The following PCDH11X variants were observed in gnomAD, a reference collection of about 807,000 sequenced individuals.
PCDH11X encodes the protein protocadherin 11 X-linked, also known as protocadherin-11 X-linked.
PCDH11X carries 18 observed loss-of-function variants against 53.3 expected under a neutral mutation model. The ratio of observed to expected loss-of-function variants is 0.34; its 90% CI spans 0.23 to 0.50. The LOEUF (loss-of-function observed/expected upper bound fraction) is 0.50, where lower values mean the gene tolerates loss of function less well. Ranked by LOEUF, PCDH11X falls within the 20% of genes least tolerant of loss-of-function variation. The pLI is 0.98. For synonymous variants in PCDH11X, 279 were observed against 393.3 expected (o/e 0.71, Z 3.44); for missense variants, 570 against 1,032.4 (o/e 0.55, Z 6.14).
At chrX:92,358,455 T>C (rs1436000498) in intron 8 of PCDH11X, among the ~76,000 whole-genome samples, 2 of 63,367 alleles carry the variant, frequency 3.2e-5, no homozygotes, top group African/African-American at 1.1e-4. Context: ...GTCAGATCCT[T>C]TTAGGTCATA....
intron 6 of PCDH11X, among the ~76,000 whole-genome samples, chrX:92,064,535 T>G (rs1323082882): frequency 5.5e-5 from 6 of 109,654 alleles, no homozygotes; most frequent in Non-Finnish European, 3.8e-5. Context: ...AATAGTTTTG[T>G]CATGTTACTA....
At chrX:92,608,174 A>C (rs1400545610) in intron 10 of PCDH11X, among the ~76,000 whole-genome samples, 3 of 100,803 alleles carry the variant, frequency 3.0e-5, no homozygotes, top group African/African-American at 1.2e-4. Flanking sequence ...CTCAGCAAGC[A>C]CACATGTTCA....
chrX:92,007,530 A>G (rs1031289386), intron 6 of PCDH11X, among the ~76,000 whole-genome samples: 7 of 111,727 alleles, frequency 6.3e-5, no homozygotes, highest in African/African-American at 2.3e-4. Flanking sequence ...GACTCAGGTC[A>G]GGTCCAGAAA....
At chrX:92,189,273 T>C (rs982753656) in intron 6 of PCDH11X, among the ~76,000 whole-genome samples, 5 of 111,377 alleles carry the variant, frequency 4.5e-5, no homozygotes, top group Non-Finnish European at 1.9e-5. Flanking sequence ...TATGTTTTCA[T>C]TGTTCATCTT....
intron 10 of PCDH11X, among the ~76,000 whole-genome samples, chrX:92,480,117 C>A (rs2073471390): frequency 9.0e-6 from 1 of 111,279 alleles, no homozygotes; most frequent in Non-Finnish European, 1.9e-5. Flanking sequence ...CTCTGAGATT[C>A]ATTCCACAGC....
intron 9 of PCDH11X, among the ~76,000 whole-genome samples, chrX:92,453,852 C>T (rs2072854597): frequency 9.1e-6 from 1 of 110,458 alleles, no homozygotes; most frequent in African/African-American, 3.3e-5. Flanking sequence ...ATAATATTTT[C>T]AATGAAAACT....
chrX:92,557,112 A>C (rs2075057556), intron 10 of PCDH11X, among the ~76,000 whole-genome samples: 1 of 108,270 alleles, frequency 9.2e-6, no homozygotes, highest in Non-Finnish European at 1.9e-5. Flanking sequence ...CAGCCCATGA[A>C]ACCATTTTTC....
At chrX:91,811,321 A>G (rs770332569) in intron 4 of PCDH11X, 26 bp downstream of exon 4, 15 of 1,129,573 alleles carry the variant, frequency 1.3e-5, no homozygotes, top group Admixed American at 2.3e-5. Flanking sequence ...ATTAAATATC[A>G]TATACGTCTC....
In PCDH11X at chrX:92,066,784, A is replaced by G. The variant is rs1445225910; in HGVS notation, c.3034-134591A>G. On this transcript the variant is annotated intron_variant, in intron 6 of 10. Coordinates refer to ENST00000682573, the MANE Select transcript of PCDH11X (RefSeq NM_032968.5). The stretch of plus-strand genomic sequence containing the variant: ...AGTAAGATCGTTATCAACTGCAAAG[A>G]AAAATAATTTCACTTCTTCCTTTAA... 3.6e-5 allele frequency among the ~76,000 whole-genome samples: 4 copies of G among 112,442 alleles called. No homozygotes were observed. The East Asian group carries it at 8.4e-4, about 23-fold the overall frequency.
intron 6 of PCDH11X, among the ~76,000 whole-genome samples, chrX:91,946,297 A>G (rs1242733676): frequency 1.9e-5 from 2 of 107,121 alleles, no homozygotes; most frequent in Non-Finnish European, 3.9e-5. Flanking sequence ...TCACACTCCT[A>G]TTATCAGGGA....
chrX:92,011,929 C>T, intron 6 of PCDH11X, among the ~76,000 whole-genome samples: 1 of 110,246 alleles, frequency 9.1e-6, no homozygotes, highest in Non-Finnish European at 1.9e-5. Context: ...AGAATCTAGG[C>T]CTTCTTTCCC....
chrX:92,214,284 G>A lies in PCDH11X; in HGVS notation c.3114+12829G>A, dbSNP rs1371108731. ...CGCAAGAAGGAATTTGATTAATTTC[G>A]ACTAACTTTAGGACGCCAAAAGTCC... On this transcript the variant is annotated intron_variant, in intron 7 of 10. Coordinates refer to ENST00000682573, the MANE Select transcript of PCDH11X (RefSeq NM_032968.5). 6.3e-5 allele frequency among the ~76,000 whole-genome samples: 7 copies of A among 111,567 alleles called. No individual in the cohort carries two copies. In the South Asian group the frequency reaches 2.6e-3, roughly 42 times the overall value.
chrX:92,552,559 C>A (rs2074977335), intron 10 of PCDH11X, among the ~76,000 whole-genome samples: 1 of 107,469 alleles, frequency 9.3e-6, no homozygotes. Context: ...CTAGCTAGTT[C>A]TTGCTACTAT....
intron 7 of PCDH11X, among the ~76,000 whole-genome samples, chrX:92,222,564 A>G (rs1275389571): frequency 1.8e-5 from 2 of 111,885 alleles, no homozygotes; most frequent in Admixed American, 9.6e-5. Context: ...TTAGTAACAT[A>G]AAGTTGTTGG....
intron 6 of PCDH11X, among the ~76,000 whole-genome samples, chrX:92,025,827 G>A (rs998680253): frequency 1.8e-5 from 2 of 110,729 alleles, no homozygotes; most frequent in African/African-American, 6.6e-5. Flanking sequence ...ATGATAGACT[G>A]GATAAAGAAA....
At chrX:92,101,765 C>T (rs979706654) in intron 6 of PCDH11X, among the ~76,000 whole-genome samples, 93 of 110,301 alleles carry the variant, frequency 8.4e-4, no homozygotes, top group Non-Finnish European at 9.5e-4. Flanking sequence ...ATTTGCCAGT[C>T]CTGGGTGGGG....
rs146233770 is a variant in PCDH11X, at chrX:92,210,230, C to CTTTT, written c.3114+8798_3114+8801dup. 2.2e-4 allele frequency among the ~76,000 whole-genome samples: 9 copies of CTTTT among 41,074 alleles called. 2 individuals are homozygous for CTTTT. The highest frequency in any genetic ancestry group is 7.0e-4 in the African/African-American group (7 of 10,053). 35.7% of individuals were successfully genotyped at this position (41,074 alleles called of 115,157 possible). A position where few individuals can be genotyped will look rare whatever the true frequency, so the allele number is the denominator to read the frequency against. On this transcript the variant is annotated intron_variant, in intron 7 of 10. Coordinates refer to ENST00000682573, the MANE Select transcript of PCDH11X (RefSeq NM_032968.5). ...CTTGAATTCCTCCACAGAAAATGGG[C>CTTTT]TTTTTTTTTTTTTTTTTTTTTTTTT...
chrX:92,073,947 C>A (rs2063739278), intron 6 of PCDH11X, among the ~76,000 whole-genome samples: 1 of 112,077 alleles, frequency 8.9e-6, no homozygotes, highest in African/African-American at 3.2e-5. Context: ...GTGCTGTTTG[C>A]AAGTGTTTCA....
chrX:92,618,631 C>T lies in PCDH11X; in HGVS notation c.3735C>T (p.Tyr1245=), dbSNP rs780540071. 102 of 1,210,632 alleles carry T rather than the reference C, an allele frequency of 8.4e-5. No homozygotes were observed. The highest frequency in any genetic ancestry group is 1.1e-4 in the Non-Finnish European group (100 of 895,287). Residue 1245 remains tyrosine, a synonymous_variant, in exon 11 of 11, where the codon TAC becomes TAT. Transcript: ENST00000682573. ...CAGCACAGGCCTCAGCCCTCTGCTA[C>T]AGCCCTCCTTTAGCACAGGCTGCTG... is the stretch of plus-strand genomic sequence containing the variant. ...PPSAQASALC[Y]SPPLAQAAAI...
Sources: gnomAD v4.1 joint callset for allele counts (sites outside exome capture counted in the v4.1 genomes callset) on GRCh38, gnomAD v4.1.1 for gene constraint, MANE v1.5 for transcripts, NCBI Gene and HGNC (gene_info 2026-07-23, HGNC 2026-07-21) for gene names.